Variants in COLQ observed in about 807,000 individuals in gnomAD.
The protein encoded by COLQ is collagen like tail subunit of asymmetric acetylcholinesterase.
A neutral mutation model predicts 69.0 loss-of-function variants in COLQ; 48 were observed. The observed-to-expected ratio is 0.70, with a 90% CI of 0.55 to 0.88. The LOEUF (loss-of-function observed/expected upper bound fraction) is 0.88, where lower values mean the gene tolerates loss of function less well. Among genes scored for constraint, COLQ ranks in the 40% least tolerant of loss-of-function variants. The pLI is 0.00. For synonymous variants in COLQ, 217 were observed against 211.2 expected, an observed-to-expected ratio of 1.03 and a Z score of -0.24; for missense variants, 618 against 594.6, an observed-to-expected ratio of 1.04 and a Z score of -0.41.
intron 12 of COLQ, among the ~76,000 whole-genome samples, chr3:15,464,886 G>A (rs1379241795): frequency 2.0e-5 from 3 of 152,200 alleles, no homozygotes; most frequent in Non-Finnish European, 4.4e-5. Context: ...GGTAAAAGAG[G>A]AAGCAGCAGC....
Position 15,470,532 on chromosome 3 carries a change from T to G in COLQ, c.717+4A>C, listed in dbSNP as rs201550931. On this transcript the variant is annotated splice_donor_region_variant and intron_variant, in intron 11 of 16. Coordinates refer to ENST00000383788, the MANE Select transcript of COLQ (RefSeq NM_005677.4). ...AGGCGGGTGGTAAGCCCTGGGATCC[T>G]TACCTGCTTGCCTCGTTTTCCTGGT... is the stretch of plus-strand genomic sequence containing the variant. The G allele has an allele frequency of 4.5e-5, 72 of 1,613,456 alleles. No homozygotes were observed. In the South Asian group the frequency reaches 7.4e-4, roughly 16 times the overall value.
intron 3 of COLQ, among the ~76,000 whole-genome samples, chr3:15,482,590 T>C (rs570503469): frequency 1.1e-4 from 16 of 152,374 alleles, no homozygotes; most frequent in Admixed American, 2.0e-4. Context: ...AGCTTTTTGA[T>C]GTGCTGCTGG....
chr3:15,484,926 G>T (rs1575480790), intron 3 of COLQ, among the ~76,000 whole-genome samples: 2 of 152,342 alleles, frequency 1.3e-5, no homozygotes, highest in Admixed American at 1.3e-4. Context: ...GTCCAGCTTT[G>T]TTCCATTGCT....
chr3:15,499,243 T>C (rs1180068693), intron 1 of COLQ, among the ~76,000 whole-genome samples: 2 of 152,236 alleles, frequency 1.3e-5, no homozygotes, highest in Non-Finnish European at 2.9e-5. Flanking sequence ...ACCAGTTACA[T>C]GCTTAAATCT....
chr3:15,465,428 G>A (rs150674724), intron 12 of COLQ, among the ~76,000 whole-genome samples: 2,793 of 149,448 alleles, frequency 0.019, 79 homozygotes, highest in African/African-American at 0.062. Context: ...CACCACGCCC[G>A]GCTAATTTTT....
chr3:15,490,714 A>C (rs2062652304), intron 1 of COLQ, among the ~76,000 whole-genome samples: 1 of 152,222 alleles, frequency 6.6e-6, no homozygotes, highest in Non-Finnish European at 1.5e-5. Context: ...CTAAAGCAAA[A>C]AGGACAGAAT....
intron 8 of COLQ, 54 bp from the exon 9 acceptor site, chr3:15,474,326 T>C: frequency 6.3e-7 from 1 of 1,585,794 alleles, no homozygotes; most frequent in Admixed American, 1.7e-5. Context: ...GGAGGGAAAT[T>C]CAAGCATTTC....
chr3:15,503,957 C>G (rs550762680), intron 1 of COLQ, among the ~76,000 whole-genome samples: 8 of 152,252 alleles, frequency 5.3e-5, no homozygotes, highest in Middle Eastern at 6.8e-3. Flanking sequence ...TCACGTCTTT[C>G]CAATCAAACC....
intron 12 of COLQ, among the ~76,000 whole-genome samples, chr3:15,465,610 C>CTTTTT (rs71045163): frequency 1.7e-4 from 16 of 94,750 alleles, no homozygotes; most frequent in African/African-American, 6.1e-4. Context: ...CTTTCTACAT[C>CTTTTT]TTTTTTTTTT....
intron 1 of COLQ, among the ~76,000 whole-genome samples, chr3:15,512,028 C>A (rs1483405334): frequency 1.3e-5 from 2 of 152,192 alleles, no homozygotes; most frequent in Non-Finnish European, 2.9e-5. Context: ...CTTCCCGGGT[C>A]CCCAAGAAGC....
chr3:15,470,283 C>T (rs891748811), intron 11 of COLQ, among the ~76,000 whole-genome samples: 2 of 152,178 alleles, frequency 1.3e-5, no homozygotes, highest in African/African-American at 4.8e-5. Flanking sequence ...TTTTTATGAA[C>T]CAAATATCCA....
intron 12 of COLQ, among the ~76,000 whole-genome samples, chr3:15,458,582 G>A (rs949610115): frequency 2.6e-5 from 4 of 152,164 alleles, no homozygotes; most frequent in African/African-American, 4.8e-5. Context: ...TGCAGCAGCC[G>A]TGTTGCAACC....
At chr3:15,486,762 T>C (rs952299971) in intron 3 of COLQ, among the ~76,000 whole-genome samples, 2 of 152,218 alleles carry the variant, frequency 1.3e-5, no homozygotes, top group Admixed American at 1.3e-4. Context: ...GGAGAACCTA[T>C]ACCAACCCCG....
Position 15,489,603 on chromosome 3 carries a change from GCCA to G in COLQ, c.138_140del (p.Gly47del). On this transcript the variant is annotated inframe_deletion, in exon 2 of 17. Coordinates refer to ENST00000383788, the MANE Select transcript of COLQ (RefSeq NM_005677.4). The stretch of plus-strand genomic sequence containing the variant: ...GCGTCAGCAGGCAGCATGCTTTGTG[GCCA>G]CCACGCTTCTTCTGATCCAGGCTGG... 1 of 1,614,162 alleles carries G rather than the reference GCCA, an allele frequency of 6.2e-7. No individual in the cohort carries two copies. Among genetic ancestry groups the G allele is most frequent in the Non-Finnish European group, 8.5e-7 (1 of 1,180,022 alleles).
At chr3:15,474,074 A>C in intron 9 of COLQ, 39 bp from the exon 10 acceptor site, 1 of 1,613,834 alleles carries the variant, frequency 6.2e-7, no homozygotes, top group Non-Finnish European at 8.5e-7. Flanking sequence ...TCACCTCTGA[A>C]ATAACACCTG....
chr3:15,473,096 G>GAAATGGAC lies in COLQ; in HGVS notation c.636+896_636+903dup, dbSNP rs765939662. On this transcript the variant is annotated intron_variant, in intron 10 of 16. Transcript: ENST00000383788. This position sits in a 1 kb window ranked among gnomAD's most constrained non-coding sequence, Gnocchi z 4.0. ...GAGTATTTTTTTCTTTAAGTTACCT[G>GAAATGGAC]AAATGGACCCTTTTTTATTAAGCCT... 1.3e-5 allele frequency among the ~76,000 whole-genome samples: 2 copies of GAAATGGAC among 151,202 alleles called. No homozygotes were observed. Among genetic ancestry groups the GAAATGGAC allele is most frequent in the Non-Finnish European group, 1.5e-5 (1 of 67,914 alleles).
intron 14 of COLQ, 117 bp downstream of exon 14, chr3:15,456,343 T>C (rs1421338160): frequency 5.7e-6 from 8 of 1,401,806 alleles, no homozygotes; most frequent in Non-Finnish European, 7.8e-6. Context: ...AGCCCTCCCA[T>C]GCAGACAGAC....
At chr3:15,479,498 A>G in intron 3 of COLQ, 116 bp from the exon 4 acceptor site, 2 of 989,458 alleles carry the variant, frequency 2.0e-6, no homozygotes, top group Non-Finnish European at 3.2e-6. Context: ...GGGCAGATGT[A>G]GGGCTCCAGG....
At chr3:15,495,399 T>C (rs1282902678) in intron 1 of COLQ, among the ~76,000 whole-genome samples, 1 of 152,246 alleles carries the variant, frequency 6.6e-6, no homozygotes, top group East Asian at 1.9e-4. Flanking sequence ...GGCCATTCTA[T>C]AATTGAGTAC....
Sources: allele counts gnomAD v4.1 joint callset (sites outside exome capture counted in the v4.1 genomes callset), GRCh38; gene constraint gnomAD v4.1.1; non-coding constraint Gnocchi (gnomAD v3.1); transcripts MANE v1.5; gene names NCBI Gene and HGNC (gene_info 2026-07-23, HGNC 2026-07-21).